SOX5: variants seen among roughly 807,000 people sequenced by gnomAD.
SOX5 encodes transcription factor SOX-5.
In SOX5, 9 loss-of-function variants were observed where a neutral mutation model predicts 92.0. That is an observed-to-expected ratio of 0.10 (90% CI 0.06 to 0.17). The LOEUF (loss-of-function observed/expected upper bound fraction) is 0.17, where lower values mean the gene tolerates loss of function less well. SOX5 is among the 10% of genes least tolerant of loss of function. The pLI is 1.00. For synonymous variants in SOX5, 344 were observed against 336.3 expected (o/e 1.02, Z -0.25); for missense variants, 642 against 944.5 (o/e 0.68, Z 4.20).
intron 4 of SOX5, among the ~76,000 whole-genome samples, chr12:24,018,291 AT>A (rs569885897): frequency 2.6e-5 from 4 of 151,996 alleles, no homozygotes; most frequent in South Asian, 2.1e-4. Flanking sequence ...ATTTGCTTAG[AT>A]TTTTTTTACC....
At chr12:23,823,824 T>G (rs2096175130) in intron 3 of SOX5, among the ~76,000 whole-genome samples, 1 of 152,222 alleles carries the variant, frequency 6.6e-6, no homozygotes. Flanking sequence ...ATTTCATTCT[T>G]TTTTCTCTAA....
At chr12:24,528,122 TA>T (rs1950871683) in intron 1 of SOX5, among the ~76,000 whole-genome samples, 2 of 152,322 alleles carry the variant, frequency 1.3e-5, no homozygotes, top group Middle Eastern at 6.8e-3. Context: ...GCCTGGCTCA[TA>T]TGCAGCATTT....
At chr12:23,916,549 G>C (rs1053063732) in intron 1 of SOX5, among the ~76,000 whole-genome samples, 6 of 152,156 alleles carry the variant, frequency 3.9e-5, no homozygotes, top group Non-Finnish European at 8.8e-5. Context: ...TGGGTGTACT[G>C]TCAAGAAATG....
chr12:23,607,649 G>T lies in SOX5; in HGVS notation c.1018-3116C>A, dbSNP rs560374133. Among the ~76,000 whole-genome samples, 37 of 127,816 alleles carry T rather than the reference G, an allele frequency of 2.9e-4. No individual in the cohort carries two copies. In the East Asian group the frequency reaches 7.1e-3, roughly 24 times the overall value. 83.9% of individuals were successfully genotyped at this position (127,816 alleles called of 152,430 possible). On this transcript the variant is annotated intron_variant, in intron 8 of 14. Coordinates refer to ENST00000451604, the MANE Select transcript of SOX5 (RefSeq NM_006940.6). ...AAATCAAGCCTAATAACAGGTGTCT[G>T]CCCTAATAACAGGTGATGTCTACAG...
At chr12:24,370,397 A>C (rs923572787) in intron 1 of SOX5, among the ~76,000 whole-genome samples, 1 of 138,064 alleles carries the variant, frequency 7.2e-6, no homozygotes, top group Non-Finnish European at 1.5e-5. Context: ...GAATGGTGTG[A>C]ACCCAGGGGG....
intron 4 of SOX5, among the ~76,000 whole-genome samples, chr12:23,744,257 A>T (rs1238645291): frequency 6.6e-6 from 1 of 152,310 alleles, no homozygotes; most frequent in African/African-American, 2.4e-5. Flanking sequence ...ACTATATTTC[A>T]ACAATGCTTT....
chr12:24,363,249 A>T, intron 2 of SOX5, among the ~76,000 whole-genome samples: 1 of 152,114 alleles, frequency 6.6e-6, no homozygotes, highest in East Asian at 1.9e-4. Context: ...GAGCAAAAAA[A>T]AATTAGTAAT....
At chr12:23,928,139 G>C (rs1171681784) in intron 1 of SOX5, among the ~76,000 whole-genome samples, 1 of 152,002 alleles carries the variant, frequency 6.6e-6, no homozygotes, top group Non-Finnish European at 1.5e-5. Context: ...AAACCTGAAG[G>C]GAAGCCAAAT....
chr12:23,815,384 C>T (rs1024402701), intron 3 of SOX5, among the ~76,000 whole-genome samples: 5 of 152,206 alleles, frequency 3.3e-5, no homozygotes, highest in Admixed American at 6.5e-5. Context: ...TCTTCTATTC[C>T]GATGTACCAA....
chr12:24,472,688 A>G (rs1427292113), intron 1 of SOX5, among the ~76,000 whole-genome samples: 1 of 152,170 alleles, frequency 6.6e-6, no homozygotes, highest in Non-Finnish European at 1.5e-5. Flanking sequence ...TAGCCTGTAA[A>G]ATCAATTCCT....
chr12:23,690,123 T>TCCAGCAAG (rs975630046), intron 6 of SOX5, among the ~76,000 whole-genome samples: 1 of 152,320 alleles, frequency 6.6e-6, no homozygotes, highest in Non-Finnish European at 1.5e-5. Context: ...CCTCACTTTC[T>TCCAGCAAG]CCAGCAAGCG....
intron 1 of SOX5, among the ~76,000 whole-genome samples, chr12:23,921,090 A>G (rs567035096): frequency 4.6e-5 from 7 of 152,306 alleles, no homozygotes; most frequent in Admixed American, 4.6e-4. Context: ...TAGTTAAAAC[A>G]ATTACTGGTA....
rs1593537864 is a variant in SOX5 at position 24,141,055 on chromosome 12, G to T, written c.-2+72288C>A. ...AGTAGGTATTTCTGGGTCAGAAATA[G>T]AGAAGAACAAATATAAAACCATTAG... On this transcript the variant is annotated intron_variant, in intron 4 of 4. Coordinates refer to the SOX5 transcript ENST00000446891. Among the ~76,000 whole-genome samples the T allele has an allele frequency of 1.1e-3, 30 of 27,144 alleles. No homozygotes were observed. In the South Asian group the frequency reaches 0.042, roughly 38 times the overall value. 17.8% of individuals were successfully genotyped at this position (27,144 alleles called of 152,430 possible).
At chr12:24,408,932 T>A (rs1812926384) in intron 1 of SOX5, among the ~76,000 whole-genome samples, 1 of 152,176 alleles carries the variant, frequency 6.6e-6, no homozygotes. Flanking sequence ...TCCTCGAGAA[T>A]CTAGAACCGG....
chr12:24,147,363 C>T (rs1379671874), intron 4 of SOX5, among the ~76,000 whole-genome samples: 1 of 152,082 alleles, frequency 6.6e-6, no homozygotes, highest in Non-Finnish European at 1.5e-5. Context: ...ATATAGAAAA[C>T]ACAAAGTCCA....
At chr12:24,357,732 A>G (rs1173415671) in intron 2 of SOX5, among the ~76,000 whole-genome samples, 1 of 151,514 alleles carries the variant, frequency 6.6e-6, no homozygotes, top group Non-Finnish European at 1.5e-5. Flanking sequence ...AATCCCAGCT[A>G]CTCTGGAGGG....
intron 1 of SOX5, among the ~76,000 whole-genome samples, chr12:24,501,601 G>A (rs111804458): frequency 5.8e-4 from 89 of 152,248 alleles, no homozygotes; most frequent in East Asian, 2.3e-3. Flanking sequence ...TGAGGTGAGC[G>A]GATTGCTTGA....
intron 3 of SOX5, among the ~76,000 whole-genome samples, chr12:23,773,840 T>C (rs2095017096): frequency 6.6e-6 from 1 of 152,150 alleles, no homozygotes; most frequent in Non-Finnish European, 1.5e-5. Context: ...GGAAATCAAG[T>C]GTACTAAGGC....
rs754590341 is a variant in SOX5, at chr12:23,604,476, C to T, written c.1075G>A (p.Gly359Ser). The T allele has an allele frequency of 1.2e-5, 19 of 1,613,808 alleles. No homozygotes were observed. In the Middle Eastern group the frequency reaches 1.2e-3, roughly 98 times the overall value. ...MQVSPGGKLP[G>S]IPQGNLGAAV... is the part of the protein sequence containing the mutation. ...GCACCAAGGTTGCCTTGGGGTATGCCTGGCAGCTTCCCTCCTGGAGATACC... is the reference window on the plus strand; with the variant it reads ...GCACCAAGGTTGCCTTGGGGTATGCTTGGCAGCTTCCCTCCTGGAGATACC... Residue 359 changes from glycine to serine, a missense_variant, in exon 9 of 15, where the codon GGC becomes AGC. Around this residue, in one of 8 missense-constraint regions of SOX5, gnomAD observed 324 missense variants for 461.6 expected, o/e 0.70. Transcript: ENST00000451604.
Sources: gnomAD v4.1 joint callset for allele counts (sites outside exome capture counted in the v4.1 genomes callset) on GRCh38, gnomAD v4.1.1 for gene constraint, gnomAD v4.1.1 regional missense constraint, MANE v1.5 for transcripts, NCBI Gene and HGNC (gene_info 2026-07-23, HGNC 2026-07-21) for gene names.